Variants in EZR observed in about 807,000 individuals in gnomAD.
The protein encoded by EZR is ezrin, also known as cytovillin 2.
EZR carries 40 observed loss-of-function variants against 74.8 expected under a neutral mutation model. The ratio of observed to expected loss-of-function variants is 0.53; its 90% CI spans 0.42 to 0.70. The LOEUF is 0.70. Among genes scored for constraint, EZR ranks in the 30% least tolerant of loss-of-function variants. The pLI is 0.00. For missense variants in EZR, 678 were observed against 755.8 expected, an observed-to-expected ratio of 0.90 and a Z score of 1.21; for synonymous variants, 341 against 283.3, an observed-to-expected ratio of 1.20 and a Z score of -2.05.
chr6:158,768,628 G>A (rs1056280887), intron 12 of EZR, among the ~76,000 whole-genome samples: 4 of 152,182 alleles, frequency 2.6e-5, no homozygotes, highest in African/African-American at 9.7e-5. Context: ...CTCAGGGGCT[G>A]TGCCTTCCTG....
At chr6:158,787,457 G>C (rs912383605) in intron 3 of EZR, among the ~76,000 whole-genome samples, 2 of 152,146 alleles carry the variant, frequency 1.3e-5, no homozygotes, top group Non-Finnish European at 2.9e-5. Context: ...TCAAATCTTA[G>C]AAAATCTCAC....
intron 10 of EZR, 147 bp downstream of exon 10, chr6:158,770,617 A>AT: frequency 1.1e-6 from 1 of 898,402 alleles, no homozygotes; most frequent in Non-Finnish European, 1.7e-6. Context: ...TCCAAACCAA[A>AT]TAACCATTTT....
intron 2 of EZR, among the ~76,000 whole-genome samples, chr6:158,798,622 CTTTTTT>C (rs147757313): frequency 2.9e-4 from 36 of 122,198 alleles, no homozygotes; most frequent in African/African-American, 1.1e-3. Context: ...TGCTGCTCCG[CTTTTTT>C]TTTTTTTTTT....
chr6:158,817,308 G>C (rs182928786), intron 2 of EZR, among the ~76,000 whole-genome samples: 3 of 152,146 alleles, frequency 2.0e-5, no homozygotes, highest in Non-Finnish European at 4.4e-5. Context: ...TCTAAGAAGC[G>C]TCAGTCCCAG....
chr6:158,811,508 A>T (rs1333116873), intron 2 of EZR, among the ~76,000 whole-genome samples: 1 of 152,258 alleles, frequency 6.6e-6, no homozygotes, highest in African/African-American at 2.4e-5. Context: ...AAAAAATTAT[A>T]GTTCACTAAA....
intron 2 of EZR, among the ~76,000 whole-genome samples, chr6:158,813,376 T>C (rs1241903593): frequency 6.6e-6 from 1 of 152,250 alleles, no homozygotes; most frequent in Non-Finnish European, 1.5e-5. Flanking sequence ...CTGGGATTGC[T>C]GTCTGTCCCC....
At chr6:158,801,615 T>C (rs1305093467) in intron 2 of EZR, among the ~76,000 whole-genome samples, 1 of 152,230 alleles carries the variant, frequency 6.6e-6, no homozygotes. Context: ...CATATAATTA[T>C]ATAACACCAG....
intron 8 of EZR, among the ~76,000 whole-genome samples, chr6:158,773,360 G>A (rs1041178326): frequency 1.3e-4 from 20 of 152,310 alleles, no homozygotes; most frequent in African/African-American, 4.3e-4. Context: ...ATCTCTCCCA[G>A]TGCCTTTGAA....
At chr6:158,802,537 T>C (rs1777208597) in intron 2 of EZR, among the ~76,000 whole-genome samples, 1 of 152,228 alleles carries the variant, frequency 6.6e-6, no homozygotes, top group Non-Finnish European at 1.5e-5. Flanking sequence ...GGTAGTGTTT[T>C]GTTTGTTTTT....
In EZR at chr6:158,784,648, G is replaced by A. The variant is rs780898593; in HGVS notation, c.547C>T (p.Leu183Phe). 6.2e-7 allele frequency: 1 copy of A among 1,613,820 alleles called. No individual in the cohort carries two copies. Among genetic ancestry groups the A allele is most frequent in the Non-Finnish European group, 8.5e-7 (1 of 1,179,826 alleles). The change falls in exon 6 of 14, where the codon CTC becomes TTC. Residue 183 changes from leucine (L) to phenylalanine (F), a missense_variant. Leu to Phe is a conservative substitution (Grantham distance 22). Around this residue, in one of 3 missense-constraint regions of EZR, gnomAD observed 217 missense variants for 232.2 expected, o/e 0.93. Coordinates refer to ENST00000367075, the MANE Select transcript of EZR (RefSeq NM_001111077.2). Reference protein sequence around the residue: ...QVWHAEHRGMLKDNAMLEYLK... With the variant: ...QVWHAEHRGMFKDNAMLEYLK... ...ACAGCAGGGCACAGCACTCACTTGA[G>A]CATCCCACGGTGTTCCGCATGCCAC...
At chr6:158,797,377 T>C (rs1474020084) in intron 2 of EZR, among the ~76,000 whole-genome samples, 1 of 152,158 alleles carries the variant, frequency 6.6e-6, no homozygotes, top group Non-Finnish European at 1.5e-5. Flanking sequence ...ATGGGAGCAT[T>C]TGAATGTCTG....
At chr6:158,769,526 G>C (rs1791029087) in intron 11 of EZR, 108 bp from the exon 12 acceptor site, 2 of 1,161,478 alleles carry the variant, frequency 1.7e-6, no homozygotes, top group African/African-American at 3.0e-5. Context: ...CGTGACACCT[G>C]AGTCCCCGCC....
At chr6:158,796,447 C>G (rs1777073778) in intron 2 of EZR, among the ~76,000 whole-genome samples, 1 of 152,258 alleles carries the variant, frequency 6.6e-6, no homozygotes, top group Non-Finnish European at 1.5e-5. Flanking sequence ...CAGCCTCACT[C>G]AGGCCAACCC....
chr6:158,807,318 A>AC (rs1329234792), intron 2 of EZR, among the ~76,000 whole-genome samples: 19 of 149,356 alleles, frequency 1.3e-4, no homozygotes, highest in African/African-American at 2.9e-4. Flanking sequence ...CCGTCTCAAA[A>AC]AAAAAAAAAA....
intron 2 of EZR, among the ~76,000 whole-genome samples, chr6:158,803,541 AT>A (rs1562504277): frequency 4.2e-4 from 3 of 7,070 alleles, no homozygotes; most frequent in African/African-American, 5.6e-4. Flanking sequence ...ATATATATAT[AT>A]ATGTATATAT....
In EZR at chr6:158,776,491, T is replaced by C; in HGVS notation, c.712A>G (p.Ile238Val). The C allele has an allele frequency of 6.2e-7, 1 of 1,613,174 alleles. No individual in the cohort carries two copies. Among genetic ancestry groups the C allele is most frequent in the Non-Finnish European group, 8.5e-7 (1 of 1,179,632 alleles). Residue 238 changes from isoleucine (I) to valine (V), a missense_variant, in exon 8 of 14, where the codon ATT becomes GTT. Physicochemically the swap from Ile to Val is conservative, Grantham distance 29. This residue lies in a region of EZR where 119 missense variants were observed against 182.3 expected (regional missense o/e 0.65). Transcript: ENST00000367075. ...CTGATTTCACTCCAAGGAAAGCCAA[T>C]CTTTGGGGTTAACCTGAGGTTAAAA... is the stretch of plus-strand genomic sequence containing the variant. ...YEKDDKLTPKIGFPWSEIRNI... is the reference protein window; with the variant it reads ...YEKDDKLTPKVGFPWSEIRNI...
chr6:158,779,695 C>A (rs1160532714), intron 7 of EZR, among the ~76,000 whole-genome samples: 1 of 152,118 alleles, frequency 6.6e-6, no homozygotes, highest in Non-Finnish European at 1.5e-5. Context: ...TCCCAAGTAG[C>A]TAGGACCACA....
At chr6:158,786,889 C>T (rs1480501710) in intron 4 of EZR, among the ~76,000 whole-genome samples, 3 of 152,232 alleles carry the variant, frequency 2.0e-5, no homozygotes, top group Non-Finnish European at 4.4e-5. Context: ...AATTAACCAT[C>T]ATATGCTCCA....
intron 4 of EZR, 137 bp from the exon 5 acceptor site, chr6:158,785,720 T>C: frequency 8.8e-7 from 1 of 1,141,632 alleles, no homozygotes. Flanking sequence ...AGTCATCTTT[T>C]TAGCACTCCA....
Sources: gnomAD v4.1 joint callset for allele counts (sites outside exome capture counted in the v4.1 genomes callset) on GRCh38, gnomAD v4.1.1 for gene constraint, gnomAD v4.1.1 regional missense constraint, MANE v1.5 for transcripts, NCBI Gene and HGNC (gene_info 2026-07-23, HGNC 2026-07-21) for gene names.